Variants in ELF5 observed in about 807,000 individuals in gnomAD.
ELF5 encodes the protein ETS-related transcription factor Elf-5.
Under a neutral mutation model 38.2 loss-of-function variants are expected in ELF5, and 31 were observed. The ratio of observed to expected loss-of-function variants is 0.81; its 90% CI spans 0.61 to 1.10. The LOEUF (loss-of-function observed/expected upper bound fraction) is 1.10, where lower values mean the gene tolerates loss of function less well. Among genes scored for constraint, ELF5 ranks in the 50% least tolerant of loss-of-function variants. ELF5 has a pLI of 0.00. For synonymous variants in ELF5, 121 were observed against 112.5 expected (o/e 1.08, Z -0.48); for missense variants, 300 against 306.6 (o/e 0.98, Z 0.16).
chr11:34,510,176 G>A (rs894767146), intron 1 of ELF5, among the ~76,000 whole-genome samples: 6 of 151,988 alleles, frequency 3.9e-5, no homozygotes, highest in African/African-American at 1.5e-4. Context: ...GATTCCCTTT[G>A]GTAATTCCTT....
chr11:34,507,403 C>T (rs1392758048), intron 1 of ELF5, among the ~76,000 whole-genome samples: 1 of 152,236 alleles, frequency 6.6e-6, no homozygotes, highest in Non-Finnish European at 1.5e-5. Flanking sequence ...CTCTGAGATT[C>T]CGGGTAATAC....
intron 4 of ELF5, among the ~76,000 whole-genome samples, chr11:34,488,245 C>T (rs1850062141): frequency 6.6e-6 from 1 of 152,090 alleles, no homozygotes; most frequent in Non-Finnish European, 1.5e-5. Flanking sequence ...CTCATCACCA[C>T]AGCTACAGTG....
intron 2 of ELF5, among the ~76,000 whole-genome samples, chr11:34,498,293 G>A (rs1850365621): frequency 6.6e-6 from 1 of 152,060 alleles, no homozygotes; most frequent in African/African-American, 2.4e-5. Flanking sequence ...GTCAATATTA[G>A]GGTTACCTCC....
At chr11:34,484,642 C>T (rs1849940025) in intron 4 of ELF5, among the ~76,000 whole-genome samples, 1 of 152,090 alleles carries the variant, frequency 6.6e-6, no homozygotes, top group Non-Finnish European at 1.5e-5. Flanking sequence ...GGTGACCTCT[C>T]TCAGTGCCAC....
chr11:34,510,796 A>G (rs1193480693), intron 1 of ELF5, among the ~76,000 whole-genome samples: 1 of 152,198 alleles, frequency 6.6e-6, no homozygotes, highest in Non-Finnish European at 1.5e-5. Context: ...TTAAGAAAAA[A>G]TGACCTAAAA....
intron 2 of ELF5, among the ~76,000 whole-genome samples, chr11:34,494,766 T>A (rs952574359): frequency 9.9e-5 from 15 of 152,230 alleles, no homozygotes; most frequent in Non-Finnish European, 7.3e-5. Flanking sequence ...TGGAAAACAT[T>A]CATTCATTTA....
chr11:34,507,060 G>A (rs969669131), intron 1 of ELF5, among the ~76,000 whole-genome samples: 1 of 152,202 alleles, frequency 6.6e-6, no homozygotes, highest in African/African-American at 2.4e-5. Flanking sequence ...TATGGTTGCA[G>A]TTTTATTTAT....
chr11:34,483,362 A>C (rs1383423907), intron 4 of ELF5, among the ~76,000 whole-genome samples: 1 of 151,980 alleles, frequency 6.6e-6, no homozygotes, highest in Non-Finnish European at 1.5e-5. Flanking sequence ...CTGTCTGTGC[A>C]CACGAGGGGG....
chr11:34,482,360 A>G, intron 5 of ELF5, 71 bp downstream of exon 5: 1 of 1,412,322 alleles, frequency 7.1e-7, no homozygotes. Context: ...TTCAAAGCTT[A>G]TTAAAGTAGA....
Position 34,479,385 on chromosome 11 carries a change from G to A in ELF5, c.*833C>T, listed in dbSNP as rs184460095. ...GATGCCAGCCATCAGTTAGAAGGGG[G>A]AATAAACTCAGCAACAATTAATAAT... is the stretch of plus-strand genomic sequence containing the variant. On this transcript the variant is annotated 3_prime_UTR_variant, in exon 7 of 7. Coordinates refer to ENST00000257832, the MANE Select transcript of ELF5 (RefSeq NM_001422.4). 7 of 152,294 alleles carry A rather than the reference G, an allele frequency of 4.6e-5. No individual in the cohort carries two copies. The East Asian group carries it at 1.4e-3, about 29-fold the overall frequency. The allele number at this position is 152,294 out of a possible 1,614,324, so 9.4% of individuals were successfully genotyped here. A position where few individuals can be genotyped will look rare whatever the true frequency, so the allele number is the denominator to read the frequency against.
At chr11:34,482,211 G>T (rs754236669) in intron 5 of ELF5, among the ~76,000 whole-genome samples, 5 of 152,168 alleles carry the variant, frequency 3.3e-5, no homozygotes, top group Admixed American at 6.5e-5. Context: ...TTTGTTTAGC[G>T]TTTGCTATTG....
chr11:34,503,877 C>A (rs1017382066), intron 2 of ELF5, among the ~76,000 whole-genome samples: 1 of 152,240 alleles, frequency 6.6e-6, no homozygotes, highest in Admixed American at 6.5e-5. Context: ...TGGTCATTCC[C>A]ATTTTACAGA....
At chr11:34,488,717 G>A (rs960602342) in intron 4 of ELF5, among the ~76,000 whole-genome samples, 1 of 152,208 alleles carries the variant, frequency 6.6e-6, no homozygotes, top group African/African-American at 2.4e-5. Flanking sequence ...AAGGCAGGCT[G>A]GTAAGTGATT....
intron 4 of ELF5, among the ~76,000 whole-genome samples, chr11:34,487,073 C>T (rs1158466692): frequency 2.0e-5 from 3 of 152,086 alleles, no homozygotes; most frequent in Admixed American, 6.5e-5. Context: ...CATACCTCCC[C>T]TTGTGCCCAT....
intron 2 of ELF5, among the ~76,000 whole-genome samples, chr11:34,500,266 G>A (rs571132230): frequency 7.2e-5 from 11 of 152,252 alleles, no homozygotes; most frequent in South Asian, 2.1e-4. Flanking sequence ...TGTTTTGCCC[G>A]GGGCAGCACT....
chr11:34,502,353 G>A (rs1850493619), intron 2 of ELF5, among the ~76,000 whole-genome samples: 1 of 152,234 alleles, frequency 6.6e-6, no homozygotes, highest in Non-Finnish European at 1.5e-5. Context: ...CTCAGAGCCT[G>A]CTGGCCATGG....
intron 3 of ELF5, among the ~76,000 whole-genome samples, chr11:34,490,412 T>C (rs1850136807): frequency 6.6e-6 from 1 of 152,178 alleles, no homozygotes; most frequent in Admixed American, 6.5e-5. Context: ...CCTTGCTCAC[T>C]CAGTCTCTGG....
At chr11:34,480,403 G>C (rs1282966855) in intron 6 of ELF5, 89 bp from the exon 7 acceptor site, 2 of 1,049,592 alleles carry the variant, frequency 1.9e-6, no homozygotes, top group Non-Finnish European at 2.9e-6. Context: ...ATTCCTCTCA[G>C]GTGACAAGGC....
At chr11:34,511,446 T>C (rs11606405) in intron 1 of ELF5, 285,320 of 1,516,848 alleles carry the variant, frequency 0.19, 30,664 homozygotes, top group Non-Finnish European at 0.22. Context: ...GTCATCATTC[T>C]AGCTGCCTAG....
Sources: allele counts gnomAD v4.1 joint callset (sites outside exome capture counted in the v4.1 genomes callset), GRCh38; gene constraint gnomAD v4.1.1; transcripts MANE v1.5; gene names NCBI Gene and HGNC (gene_info 2026-07-23, HGNC 2026-07-21).